DLG2: variants seen among roughly 807,000 people sequenced by gnomAD.
The protein encoded by DLG2 is discs large MAGUK scaffold protein 2.
DLG2 carries 45 observed loss-of-function variants against 132.5 expected under a neutral mutation model. The ratio of observed to expected loss-of-function variants is 0.34; its 90% CI spans 0.27 to 0.44. The LOEUF (loss-of-function observed/expected upper bound fraction) is 0.44. Ranked by LOEUF, DLG2 falls within the 20% of genes least tolerant of loss-of-function variation. The pLI is 1.00. For synonymous variants in DLG2, 424 were observed against 419.6 expected (o/e 1.01, Z -0.13); for missense variants, 1,045 against 1,196.9 (o/e 0.87, Z 1.87).
chr11:83,587,379 C>T (rs2097103798), intron 19 of DLG2, among the ~76,000 whole-genome samples: 1 of 152,056 alleles, frequency 6.6e-6, no homozygotes, highest in South Asian at 2.1e-4. Flanking sequence ...AAGTGATCCT[C>T]CCACCTCAGC....
At chr11:84,864,728 C>T (rs116192317) in intron 6 of DLG2, among the ~76,000 whole-genome samples, 2,138 of 152,182 alleles carry the variant, frequency 0.014, 65 homozygotes, top group African/African-American at 0.049. Flanking sequence ...AATAGAGATT[C>T]AACTAATTGT....
At chr11:83,677,272 C>T (rs1592271160) in intron 18 of DLG2, among the ~76,000 whole-genome samples, 1 of 152,110 alleles carries the variant, frequency 6.6e-6, no homozygotes, top group East Asian at 1.9e-4. Flanking sequence ...TACCTCTTTG[C>T]ACCATCCCTA....
chr11:84,703,857 G>GAGATATATATATATAT (rs1555174775), intron 6 of DLG2, among the ~76,000 whole-genome samples: 1 of 102,714 alleles, frequency 9.7e-6, no homozygotes, highest in Non-Finnish European at 1.9e-5. Flanking sequence ...ATGTAGTGAA[G>GAGATATATATATATAT]ATATATATAT....
chr11:83,636,384 G>C (rs1019793263), intron 18 of DLG2, among the ~76,000 whole-genome samples: 3 of 152,082 alleles, frequency 2.0e-5, no homozygotes, highest in Admixed American at 6.6e-5. Context: ...TGAGGGAGTA[G>C]AATACCTAGA....
At chr11:85,323,426 C>T (rs1222574062) in intron 3 of DLG2, among the ~76,000 whole-genome samples, 2 of 152,180 alleles carry the variant, frequency 1.3e-5, no homozygotes, top group Non-Finnish European at 2.9e-5. Context: ...TTGATACATG[C>T]ATAGAGTGTG....
intron 7 of DLG2, among the ~76,000 whole-genome samples, chr11:84,344,873 G>A (rs559683665): frequency 1.6e-4 from 24 of 152,090 alleles, no homozygotes; most frequent in South Asian, 2.1e-4. Context: ...TTCTTCTACC[G>A]TATGGAAGGC....
At chr11:83,531,193 C>T (rs112267865) in intron 21 of DLG2, among the ~76,000 whole-genome samples, 17 of 234 alleles carry the variant, frequency 0.073, no homozygotes, top group Admixed American at 0.14. Context: ...TTTTGTGTAC[C>T]AAAGAACACT....
chr11:84,468,947 G>A (rs576556889), intron 7 of DLG2, among the ~76,000 whole-genome samples: 1 of 151,550 alleles, frequency 6.6e-6, no homozygotes, highest in South Asian at 2.1e-4. Flanking sequence ...TAAATTCCTA[G>A]TTCACCTCCA....
intron 6 of DLG2, among the ~76,000 whole-genome samples, chr11:84,690,070 A>G (rs1478890745): frequency 6.6e-6 from 1 of 151,928 alleles, no homozygotes; most frequent in Non-Finnish European, 1.5e-5. Flanking sequence ...TTGACACAAC[A>G]GAGAATAGAA....
chr11:84,316,885 C>A, intron 7 of DLG2: 1 of 1,612,864 alleles, frequency 6.2e-7, no homozygotes. Flanking sequence ...TCCCTTTGCC[C>A]TTGGTGCTCG....
chr11:83,736,821 A>G (rs1041957645), intron 18 of DLG2, among the ~76,000 whole-genome samples: 1 of 152,244 alleles, frequency 6.6e-6, no homozygotes, highest in Non-Finnish European at 1.5e-5. Flanking sequence ...TTTAAGGGTG[A>G]ATCAGAGTGC....
chr11:83,857,371 A>T (rs1478916174), intron 16 of DLG2, among the ~76,000 whole-genome samples: 1 of 152,312 alleles, frequency 6.6e-6, no homozygotes, highest in East Asian at 1.9e-4. Flanking sequence ...TGGTAGTTTA[A>T]CAGGAATAGC....
At chr11:85,205,289 G>A (rs2081800911) in intron 4 of DLG2, among the ~76,000 whole-genome samples, 1 of 151,532 alleles carries the variant, frequency 6.6e-6, no homozygotes, top group Non-Finnish European at 1.5e-5. Context: ...GGTACAAAAA[G>A]ACAAATAACA....
chr11:83,931,312 T>C (rs144038290), intron 14 of DLG2, among the ~76,000 whole-genome samples: 166 of 152,346 alleles, frequency 1.1e-3, no homozygotes, highest in African/African-American at 3.9e-3. Flanking sequence ...TGATCTAAAC[T>C]GCCAGCACAG....
intron 4 of DLG2, among the ~76,000 whole-genome samples, chr11:85,181,653 G>C (rs1017181529): frequency 1.3e-5 from 2 of 151,644 alleles, no homozygotes. Context: ...CTGTTTTCCT[G>C]TATTCATTTT....
At chr11:83,521,054 T>C (rs887707250) in intron 21 of DLG2, among the ~76,000 whole-genome samples, 6 of 152,190 alleles carry the variant, frequency 3.9e-5, no homozygotes, top group Non-Finnish European at 7.4e-5. Flanking sequence ...CAGGCGTCCT[T>C]GTTTTCCCCC....
chr11:85,052,946 A>G (rs1025636210), intron 6 of DLG2, among the ~76,000 whole-genome samples: 4 of 152,132 alleles, frequency 2.6e-5, no homozygotes, highest in Non-Finnish European at 5.9e-5. Flanking sequence ...TCTTAAATCA[A>G]TTTATTTACT....
At chr11:85,594,966 TGAG>T (rs2079629949) in intron 3 of DLG2, among the ~76,000 whole-genome samples, 1 of 147,462 alleles carries the variant, frequency 6.8e-6, no homozygotes, top group Non-Finnish European at 1.5e-5. Flanking sequence ...CTCGGGAGGC[TGAG>T]GCAGGAGAAT....
At chr11:83,467,578 G>A (rs914686677) in intron 25 of DLG2, among the ~76,000 whole-genome samples, 2 of 151,258 alleles carry the variant, frequency 1.3e-5, no homozygotes, top group Non-Finnish European at 2.9e-5. Context: ...GTGAGACCCT[G>A]TCTCTGCTAA....
Sources: gnomAD v4.1 joint callset for allele counts (sites outside exome capture counted in the v4.1 genomes callset) on GRCh38, gnomAD v4.1.1 for gene constraint, MANE v1.5 for transcripts, NCBI Gene and HGNC (gene_info 2026-07-23, HGNC 2026-07-21) for gene names.